The following CADM2 variants were observed in gnomAD, a reference collection of about 807,000 sequenced individuals.
The protein encoded by CADM2 is cell adhesion molecule 2.
CADM2 carries 12 observed loss-of-function variants against 49.8 expected under a neutral mutation model. The observed-to-expected ratio is 0.24, with a 90% confidence interval of 0.15 to 0.39. The LOEUF is 0.39. Ranked by LOEUF, CADM2 falls within the 10% of genes least tolerant of loss-of-function variation. The pLI is 1.00. For missense variants in CADM2, 378 were observed against 492.3 expected (o/e 0.77, Z 2.20); for synonymous variants, 214 against 175.4 (o/e 1.22, Z -1.74).
At chr3:85,830,442 G>A (rs990144867) in intron 3 of CADM2, among the ~76,000 whole-genome samples, 1 of 151,826 alleles carries the variant, frequency 6.6e-6, no homozygotes, top group Non-Finnish European at 1.5e-5. Context: ...TCACATAAAT[G>A]GTCTTCAAAT....
intron 1 of CADM2, among the ~76,000 whole-genome samples, chr3:85,442,588 G>GTGTATA (rs2037255318): frequency 1.7e-5 from 2 of 120,978 alleles, no homozygotes; most frequent in East Asian, 2.1e-4. Context: ...TTATATATGA[G>GTGTATA]TATATATATA....
chr3:85,064,496 A>C (rs1023749274), intron 1 of CADM2, among the ~76,000 whole-genome samples: 1 of 152,036 alleles, frequency 6.6e-6, no homozygotes, highest in Non-Finnish European at 1.5e-5. Flanking sequence ...AACCAAAGAA[A>C]CTTTCGGATG....
At chr3:85,069,653 C>A (rs182900697) in intron 1 of CADM2, among the ~76,000 whole-genome samples, 1 of 152,056 alleles carries the variant, frequency 6.6e-6, no homozygotes, top group East Asian at 1.9e-4. Context: ...TGTAATTTGC[C>A]ATGCATTAAC....
At chr3:85,492,315 G>T (rs551260727) in intron 1 of CADM2, among the ~76,000 whole-genome samples, 1 of 152,258 alleles carries the variant, frequency 6.6e-6, no homozygotes, top group Admixed American at 6.5e-5. Context: ...TTCGAAGCCA[G>T]GCGTGGTGGC....
At chr3:85,307,202 A>G (rs1174224542) in intron 1 of CADM2, among the ~76,000 whole-genome samples, 2 of 151,768 alleles carry the variant, frequency 1.3e-5, no homozygotes, top group African/African-American at 4.8e-5. Flanking sequence ...TATTATATAT[A>G]TATAATCAAA....
chr3:85,567,818 C>G (rs1430017659), intron 1 of CADM2, among the ~76,000 whole-genome samples: 1 of 152,146 alleles, frequency 6.6e-6, no homozygotes, highest in Non-Finnish European at 1.5e-5. Context: ...CTAGGGAAGC[C>G]CATGGTGTGA....
intron 1 of CADM2, among the ~76,000 whole-genome samples, chr3:85,557,722 A>G (rs1028244532): frequency 6.6e-6 from 1 of 151,994 alleles, no homozygotes; most frequent in African/African-American, 2.4e-5. Flanking sequence ...TTACTTTCAA[A>G]AAAGCTACAA....
chr3:85,916,520 C>A (rs1156929306), intron 6 of CADM2, among the ~76,000 whole-genome samples: 1 of 151,796 alleles, frequency 6.6e-6, no homozygotes, highest in Admixed American at 6.6e-5. Flanking sequence ...TTTATGGCTG[C>A]ATAGTATTCC....
chr3:85,979,928 C>A (rs964256197), intron 8 of CADM2, among the ~76,000 whole-genome samples: 4 of 151,198 alleles, frequency 2.6e-5, no homozygotes, highest in Non-Finnish European at 5.9e-5. Flanking sequence ...AATTTTATTT[C>A]AAAGAAATCA....
Position 85,552,136 on chromosome 3 carries a change from C to A in CADM2, c.62-174386C>A, listed in dbSNP as rs574929415. On this transcript the variant is annotated intron_variant, in intron 1 of 9. Coordinates refer to ENST00000383699, the MANE Select transcript of CADM2 (RefSeq NM_001167675.2). ...CTGGGATTCTAAAACTTTAGAGATA[C>A]AAAAGACTTTAGACATGAGCTATCC... 5.0e-3 allele frequency among the ~76,000 whole-genome samples: 761 copies of A among 152,026 alleles called. 6 individuals are homozygous for A. The highest frequency in any genetic ancestry group is 7.5e-3 in the Non-Finnish European group (511 of 67,966).
intron 1 of CADM2, among the ~76,000 whole-genome samples, chr3:84,987,354 T>A (rs1559603977): frequency 6.6e-6 from 1 of 152,114 alleles, no homozygotes; most frequent in Non-Finnish European, 1.5e-5. Flanking sequence ...TTTGTTTTGT[T>A]GTGCAATGCA....
Position 85,695,684 on chromosome 3 carries a change from T to C in CADM2, c.62-30838T>C, listed in dbSNP as rs77819702. Among the ~76,000 whole-genome samples, 779 of 152,242 alleles carry C rather than the reference T, an allele frequency of 5.1e-3. 6 individuals carry two copies. The highest frequency in any genetic ancestry group is 0.03 in the East Asian group (153 of 5,184). ...TTGATGGGAACTTAGGCTGATTCTG[T>C]ATCTTTGCAATTGTAAATTGTACTG... On this transcript the variant is annotated intron_variant, in intron 1 of 9. Transcript: ENST00000383699.
chr3:86,014,612 T>C (rs1235700149), intron 8 of CADM2: 2 of 1,598,616 alleles, frequency 1.3e-6, no homozygotes, highest in South Asian at 1.1e-5. Flanking sequence ...AACTTAAAGA[T>C]ATATTCTTAG....
chr3:85,098,942 C>A (rs534722938), intron 1 of CADM2, among the ~76,000 whole-genome samples: 1 of 152,322 alleles, frequency 6.6e-6, no homozygotes, highest in African/African-American at 2.4e-5. Flanking sequence ...CCTTCTTGGG[C>A]ACACTACTAT....
chr3:85,038,456 A>G (rs2035307348), intron 1 of CADM2, among the ~76,000 whole-genome samples: 2 of 152,210 alleles, frequency 1.3e-5, no homozygotes, highest in South Asian at 4.1e-4. Flanking sequence ...GGATAAGTGG[A>G]TAGCACTGTG....
At chr3:85,563,434 A>C (rs2107191522) in intron 1 of CADM2, among the ~76,000 whole-genome samples, 1 of 150,658 alleles carries the variant, frequency 6.6e-6, no homozygotes, top group East Asian at 2.0e-4. Flanking sequence ...ATTTAGCTAA[A>C]ATTAAGGCCA....
At chr3:85,242,682 A>G (rs1234292044) in intron 1 of CADM2, among the ~76,000 whole-genome samples, 1 of 151,734 alleles carries the variant, frequency 6.6e-6, no homozygotes, top group Admixed American at 6.6e-5. Context: ...ATACACTGGT[A>G]TTTTTTAAAG....
At chr3:85,698,026 T>G (rs2066624643) in intron 1 of CADM2, among the ~76,000 whole-genome samples, 1 of 152,234 alleles carries the variant, frequency 6.6e-6, no homozygotes, top group African/African-American at 2.4e-5. Context: ...AAGACACATT[T>G]GATTCATCAT....
chr3:85,198,591 T>C (rs2041405818), intron 1 of CADM2, among the ~76,000 whole-genome samples: 1 of 151,864 alleles, frequency 6.6e-6, no homozygotes, highest in Non-Finnish European at 1.5e-5. Flanking sequence ...TAGTCACTTA[T>C]CTTCAAAGGT....
Sources: allele counts gnomAD v4.1 joint callset (sites outside exome capture counted in the v4.1 genomes callset), GRCh38; gene constraint gnomAD v4.1.1; transcripts MANE v1.5; gene names NCBI Gene and HGNC (gene_info 2026-07-23, HGNC 2026-07-21).